PDE10A: variants seen among roughly 807,000 people sequenced by gnomAD.
The protein encoded by PDE10A is cAMP and cAMP-inhibited cGMP 3',5'-cyclic phosphodiesterase 10A.
Under a neutral mutation model 97.7 loss-of-function variants are expected in PDE10A, and 39 were observed. The ratio of observed to expected loss-of-function variants is 0.40; its 90% CI spans 0.31 to 0.52. PDE10A has a LOEUF of 0.52. Ranked by LOEUF, PDE10A falls within the 20% of genes least tolerant of loss-of-function variation. The pLI is 0.56. For missense variants in PDE10A, 731 were observed against 1,047.8 expected (o/e 0.70, Z 4.17); for synonymous variants, 371 against 376.8 (o/e 0.98, Z 0.18).
At chr6:165,951,529 A>G (rs1783960932) in intron 1 of PDE10A, among the ~76,000 whole-genome samples, 1 of 151,996 alleles carries the variant, frequency 6.6e-6, no homozygotes, top group Non-Finnish European at 1.5e-5. Context: ...CCTGAAGCAG[A>G]GCGACATCCA....
intron 16 of PDE10A, among the ~76,000 whole-genome samples, chr6:165,391,999 G>A (rs1388992931): frequency 6.6e-6 from 1 of 152,154 alleles, no homozygotes; most frequent in African/African-American, 2.4e-5. Context: ...TGTGGTCAGA[G>A]GGAGGGATAT....
At chr6:165,952,128 C>T (rs141172129) in intron 1 of PDE10A, among the ~76,000 whole-genome samples, 81 of 152,354 alleles carry the variant, frequency 5.3e-4, no homozygotes, top group Non-Finnish European at 7.1e-4. Context: ...GCATCTAATA[C>T]GTGCCCAGCT....
intron 1 of PDE10A, among the ~76,000 whole-genome samples, chr6:165,687,263 A>T (rs1460775707): frequency 1.3e-5 from 2 of 152,226 alleles, no homozygotes; most frequent in Admixed American, 1.3e-4. Context: ...TTTCATATCC[A>T]CGTGAGAAAG....
At chr6:165,660,631 G>A (rs545290792) in intron 1 of PDE10A, 1 of 152,722 alleles carries the variant, frequency 6.5e-6, no homozygotes, top group East Asian at 1.9e-4. Context: ...TTCGGCCGCA[G>A]GGAGGGGCTC....
At chr6:165,927,055 C>T (rs1782956806) in intron 1 of PDE10A, among the ~76,000 whole-genome samples, 2 of 126,140 alleles carry the variant, frequency 1.6e-5, no homozygotes, top group Non-Finnish European at 3.2e-5. Context: ...GGGAGGGTAA[C>T]ATCACACACT....
chr6:165,834,450 C>T (rs1433170169), intron 1 of PDE10A, among the ~76,000 whole-genome samples: 6 of 152,200 alleles, frequency 3.9e-5, no homozygotes, highest in African/African-American at 1.4e-4. Flanking sequence ...TCTTTTGTAT[C>T]CTTCCCGCCT....
intron 18 of PDE10A, among the ~76,000 whole-genome samples, chr6:165,357,232 AT>A (rs1783084868): frequency 6.6e-6 from 1 of 152,170 alleles, no homozygotes; most frequent in Admixed American, 6.6e-5. Flanking sequence ...GTTATGACAT[AT>A]GATCTTGTTA....
Position 165,388,067 on chromosome 6 carries a change from T to A in PDE10A, c.2610+231A>T, listed in dbSNP as rs1785429429. On this transcript the variant is annotated intron_variant, in intron 17 of 21. Coordinates refer to ENST00000539869, the MANE Select transcript of PDE10A (RefSeq NM_001385079.1). The surrounding 1 kb of genome is among the most constrained non-coding windows in gnomAD (Gnocchi z 4.0). ...GGGTTACAGGTACTTACTGATATAA[T>A]GTTTAAAAAACAAATGTGATTGCAA... Among the ~76,000 whole-genome samples the A allele has an allele frequency of 6.6e-6, 1 of 152,232 alleles. No individual in the cohort carries two copies. Among genetic ancestry groups the A allele is most frequent in the African/African-American group, 2.4e-5 (1 of 41,466 alleles).
intron 17 of PDE10A, among the ~76,000 whole-genome samples, chr6:165,383,358 A>C (rs1785052567): frequency 2.6e-5 from 4 of 152,218 alleles, no homozygotes; most frequent in African/African-American, 9.7e-5. Flanking sequence ...ATAATGATTC[A>C]ATTACCATTA....
intron 20 of PDE10A, among the ~76,000 whole-genome samples, 156 bp downstream of exon 20, chr6:165,339,122 A>G (rs907530273): frequency 2.0e-5 from 3 of 152,216 alleles, no homozygotes; most frequent in African/African-American, 7.2e-5. Flanking sequence ...TTGTAAGATA[A>G]ATTTCTGAAG....
chr6:165,720,205 G>A (rs978822470), intron 1 of PDE10A, among the ~76,000 whole-genome samples: 8 of 152,110 alleles, frequency 5.3e-5, no homozygotes, highest in Non-Finnish European at 1.0e-4. Flanking sequence ...GAGAGAGGGT[G>A]TTCCTGTATT....
chr6:165,437,796 C>G (rs1394744266), intron 5 of PDE10A, among the ~76,000 whole-genome samples: 1 of 152,162 alleles, frequency 6.6e-6, no homozygotes, highest in African/African-American at 2.4e-5. Flanking sequence ...CATGGCTACA[C>G]TTTCCCTCCT....
At chr6:165,773,640 A>T (rs183271577) in intron 1 of PDE10A, among the ~76,000 whole-genome samples, 1 of 152,370 alleles carries the variant, frequency 6.6e-6, no homozygotes, top group East Asian at 1.9e-4. Flanking sequence ...GCAATAAACG[A>T]ATTCACTATT....
In PDE10A at chr6:165,661,325, G is replaced by A. The variant is rs544096647; in HGVS notation, c.865+622C>T. The stretch of plus-strand genomic sequence containing the variant: ...ACAGGACGCGGCCCGGGGTGGGGGT[G>A]CGTCCCCTGGGTGGAGGTGCAACCG... On this transcript the variant is annotated intron_variant, in intron 1 of 21. Transcript: ENST00000539869. The surrounding 1 kb of genome is among the most constrained non-coding windows in gnomAD (Gnocchi z 4.8). The A allele has an allele frequency of 3.9e-5, 6 of 152,402 alleles. No individual in the cohort carries two copies. Among genetic ancestry groups the A allele is most frequent in the African/African-American group, 1.4e-4 (6 of 41,568 alleles). 9.4% of individuals were successfully genotyped at this position (152,402 alleles called of 1,614,324 possible).
chr6:165,459,820 G>T (rs1046888732), intron 3 of PDE10A, among the ~76,000 whole-genome samples: 1 of 152,084 alleles, frequency 6.6e-6, no homozygotes, highest in Non-Finnish European at 1.5e-5. Flanking sequence ...GAAATACTAC[G>T]TTTCCTGGAG....
At chr6:165,808,984 C>T (rs1728087660) in intron 1 of PDE10A, among the ~76,000 whole-genome samples, 1 of 152,186 alleles carries the variant, frequency 6.6e-6, no homozygotes, top group Admixed American at 6.5e-5. Context: ...ACATTTTGCT[C>T]CTCTTGGGCA....
At chr6:165,542,519 T>G (rs978026729) in intron 2 of PDE10A, among the ~76,000 whole-genome samples, 1 of 151,924 alleles carries the variant, frequency 6.6e-6, no homozygotes, top group Non-Finnish European at 1.5e-5. Context: ...AACCACGATG[T>G]GCTTAAAATG....
chr6:165,678,734 T>G (rs1020433081), intron 1 of PDE10A, among the ~76,000 whole-genome samples: 2 of 152,224 alleles, frequency 1.3e-5, no homozygotes, highest in African/African-American at 4.8e-5. Context: ...CTCTTTGTAC[T>G]AACAAGTTTT....
At chr6:165,787,618 G>A (rs567688874) in intron 1 of PDE10A, among the ~76,000 whole-genome samples, 1 of 152,280 alleles carries the variant, frequency 6.6e-6, no homozygotes, top group South Asian at 2.1e-4. Flanking sequence ...TACTTCGTAG[G>A]AGTGATTACT....
Sources: gnomAD v4.1 joint callset for allele counts (sites outside exome capture counted in the v4.1 genomes callset) on GRCh38, gnomAD v4.1.1 for gene constraint, Gnocchi (gnomAD v3.1) non-coding constraint, MANE v1.5 for transcripts, NCBI Gene and HGNC (gene_info 2026-07-23, HGNC 2026-07-21) for gene names.